The following PPEF1 variants were observed in gnomAD, a reference collection of about 807,000 sequenced individuals.
PPEF1 encodes serine/threonine-protein phosphatase with EF-hands 1.
A neutral mutation model predicts 53.3 loss-of-function variants in PPEF1; 12 were observed. That is an observed-to-expected ratio of 0.23 (90% confidence interval 0.14 to 0.36). The LOEUF is 0.36. Among genes scored for constraint, PPEF1 ranks in the 10% least tolerant of loss-of-function variants. The pLI is 1.00. For missense variants in PPEF1, 334 were observed against 490.4 expected, an observed-to-expected ratio of 0.68 and a Z score of 3.01; for synonymous variants, 165 against 176.7, an observed-to-expected ratio of 0.93 and a Z score of 0.52.
rs536564010 is a variant in PPEF1, at chrX:18,717,337, G to C, written c.46+9511G>C. Among the ~76,000 whole-genome samples, 4 of 107,578 alleles carry C rather than the reference G, an allele frequency of 3.7e-5. No homozygotes were observed. In the South Asian group the frequency reaches 1.6e-3, roughly 44 times the overall value. 93.4% of individuals were successfully genotyped at this position (107,578 alleles called of 115,157 possible). ...GATCACCCTGAAGAAATTTAACATT[G>C]ATAGTGTAACATTATCTAACATGTA... is the stretch of plus-strand genomic sequence containing the variant. On this transcript the variant is annotated intron_variant, in intron 1 of 15. Transcript: ENST00000470157.
chrX:18,768,349 A>G (rs1000576705), intron 6 of PPEF1, among the ~76,000 whole-genome samples: 3 of 112,203 alleles, frequency 2.7e-5, no homozygotes, highest in Non-Finnish European at 5.6e-5. Context: ...ATTCATCTCA[A>G]TTGGTGGTTT....
At chrX:18,794,843 A>G (rs1411530583) in intron 10 of PPEF1, among the ~76,000 whole-genome samples, 2 of 112,006 alleles carry the variant, frequency 1.8e-5, no homozygotes, top group Non-Finnish European at 3.8e-5. Flanking sequence ...CATCCACTTG[A>G]AGTAGAGCAT....
chrX:18,687,697 T>A (rs1256751635), intron 3 of PPEF1, among the ~76,000 whole-genome samples: 10 of 103,941 alleles, frequency 9.6e-5, no homozygotes, highest in African/African-American at 3.6e-4. Flanking sequence ...TTTTTTTTTT[T>A]TTTTTTTTTG....
At chrX:18,717,101 A>AT (rs1398858931) in intron 1 of PPEF1, among the ~76,000 whole-genome samples, 12 of 70,083 alleles carry the variant, frequency 1.7e-4, no homozygotes, top group South Asian at 6.2e-4. Flanking sequence ...ATATATATAT[A>AT]TTTTTTTCTC....
At chrX:18,814,981 C>T (rs919802045) in intron 12 of PPEF1, among the ~76,000 whole-genome samples, 3 of 111,772 alleles carry the variant, frequency 2.7e-5, no homozygotes, top group African/African-American at 9.7e-5. Flanking sequence ...TGAGGTCTTA[C>T]ATTTATTAAT....
At chrX:18,810,319 C>T (rs2046780447) in intron 12 of PPEF1, among the ~76,000 whole-genome samples, 2 of 107,270 alleles carry the variant, frequency 1.9e-5, no homozygotes, top group African/African-American at 7.2e-5. Flanking sequence ...TTCTCTGTCT[C>T]TGCCTCTCTC....
upstream of PPEF1, among the ~76,000 whole-genome samples, chrX:18,678,152 C>T (rs1335566395): frequency 3.3e-5 from 3 of 92,103 alleles, no homozygotes; most frequent in African/African-American, 8.8e-5. Flanking sequence ...AAAAAAAAGC[C>T]GGGTGCGATG....
At chrX:18,758,054 G>T (rs998854895) in intron 5 of PPEF1, among the ~76,000 whole-genome samples, 1 of 111,179 alleles carries the variant, frequency 9.0e-6, no homozygotes, top group Admixed American at 9.6e-5. Context: ...TTTGTTCCAC[G>T]TTGCTTTTTC....
Position 18,738,716 on chromosome X carries a change from AGT to A in PPEF1, c.235+4911_235+4912del, listed in dbSNP as rs1314605937. Among the ~76,000 whole-genome samples, 4 of 112,472 alleles carry A rather than the reference AGT, an allele frequency of 3.6e-5. No homozygotes were observed. In the East Asian group the frequency reaches 1.1e-3, roughly 31 times the overall value. On this transcript the variant is annotated intron_variant, in intron 3 of 15. Coordinates refer to ENST00000470157, the MANE Select transcript of PPEF1 (RefSeq NM_001377996.1). ...AGTTCTCCTGGATAATATCCTGAAG[AGT>A]GTTTTCCAACTTGGTTCCATTCTCC...
At chrX:18,764,015 A>G (rs748049858) in intron 6 of PPEF1, among the ~76,000 whole-genome samples, 22 of 111,824 alleles carry the variant, frequency 2.0e-4, no homozygotes, top group Non-Finnish European at 4.0e-4. Context: ...AAGAGAAGCC[A>G]GGATGGGCCA....
chrX:18,719,961 C>A (rs931328202), intron 1 of PPEF1, among the ~76,000 whole-genome samples: 2 of 111,909 alleles, frequency 1.8e-5, no homozygotes, highest in East Asian at 5.7e-4. Context: ...ATGGACACCA[C>A]CTTACCCAAG....
chrX:18,792,244 T>C (rs2147637406), intron 10 of PPEF1, among the ~76,000 whole-genome samples: 1 of 112,623 alleles, frequency 8.9e-6, no homozygotes, highest in Admixed American at 9.4e-5. Context: ...CTGTGAAGGA[T>C]TGATTTTAAT....
chrX:18,819,300 G>A (rs767310321), intron 13 of PPEF1, among the ~76,000 whole-genome samples: 1 of 112,271 alleles, frequency 8.9e-6, no homozygotes, highest in African/African-American at 3.2e-5. Flanking sequence ...AAACCAAAGA[G>A]ATAGAAAATA....
At chrX:18,708,172 T>C (rs2044242879) in intron 1 of PPEF1, among the ~76,000 whole-genome samples, 1 of 112,585 alleles carries the variant, frequency 8.9e-6, no homozygotes, top group African/African-American at 3.2e-5. Flanking sequence ...ATCCCTACTT[T>C]TGTGACATTT....
intron 10 of PPEF1, among the ~76,000 whole-genome samples, chrX:18,793,407 G>A (rs948461315): frequency 5.3e-4 from 59 of 111,154 alleles, no homozygotes; most frequent in African/African-American, 1.2e-3. Context: ...TGTGGTCAGC[G>A]AACACATGCT....
At chrX:18,770,634 G>T (rs2045855400) in intron 6 of PPEF1, among the ~76,000 whole-genome samples, 1 of 111,454 alleles carries the variant, frequency 9.0e-6, no homozygotes, top group Non-Finnish European at 1.9e-5. Flanking sequence ...ACTATTTGGG[G>T]CTTAAAATGA....
chrX:18,791,048 A>G (rs2046315797), intron 10 of PPEF1, among the ~76,000 whole-genome samples: 1 of 112,016 alleles, frequency 8.9e-6, no homozygotes, highest in African/African-American at 3.2e-5. Flanking sequence ...TCAGTTAACC[A>G]TAATAAAAGG....
At chrX:18,724,445 G>A (rs2044660540) in intron 1 of PPEF1, among the ~76,000 whole-genome samples, 2 of 111,719 alleles carry the variant, frequency 1.8e-5, no homozygotes, top group Non-Finnish European at 3.8e-5. Flanking sequence ...GATAGTGATT[G>A]CCACCAGAGA....
chrX:18,766,318 TG>T (rs1387865034), intron 6 of PPEF1, among the ~76,000 whole-genome samples: 1 of 111,274 alleles, frequency 9.0e-6, no homozygotes, highest in Non-Finnish European at 1.9e-5. Context: ...TGCCCTTTTC[TG>T]TCTTATTTAT....
Sources: allele counts gnomAD v4.1 joint callset (sites outside exome capture counted in the v4.1 genomes callset), GRCh38; gene constraint gnomAD v4.1.1; transcripts MANE v1.5; gene names NCBI Gene and HGNC (gene_info 2026-07-23, HGNC 2026-07-21).